The following PAPSS1 variants were observed in gnomAD, a reference collection of about 807,000 sequenced individuals.
PAPSS1 encodes the protein bifunctional 3'-phosphoadenosine 5'-phosphosulfate synthase 1.
In PAPSS1, 50 loss-of-function variants were observed where a neutral mutation model predicts 72.0. The ratio of observed to expected loss-of-function variants is 0.69; its 90% CI spans 0.55 to 0.88. PAPSS1 has a LOEUF of 0.88. PAPSS1 is among the 40% of genes least tolerant of loss of function. The probability of loss-of-function intolerance (pLI) is 0.00; values close to 1 mark genes in which losing one functional copy is unlikely to be tolerated. For missense variants in PAPSS1, 657 were observed against 782.2 expected, an observed-to-expected ratio of 0.84 and a Z score of 1.91; for synonymous variants, 261 against 263.6, an observed-to-expected ratio of 0.99 and a Z score of 0.09.
intron 5 of PAPSS1, among the ~76,000 whole-genome samples, chr4:107,671,039 G>C (rs1034681669): frequency 6.6e-6 from 1 of 152,146 alleles, no homozygotes; most frequent in Admixed American, 6.5e-5. Context: ...AAATCATACA[G>C]TGTCAATTTA....
intron 5 of PAPSS1, among the ~76,000 whole-genome samples, chr4:107,668,293 A>C (rs919798880): frequency 2.0e-5 from 3 of 152,168 alleles, no homozygotes; most frequent in Admixed American, 2.0e-4. Context: ...TTTCAATGTA[A>C]ATTAGATGCA....
intron 5 of PAPSS1, among the ~76,000 whole-genome samples, chr4:107,671,619 A>T (rs1252692296): frequency 2.0e-5 from 3 of 152,286 alleles, no homozygotes; most frequent in African/African-American, 7.2e-5. Context: ...ACAAATAATA[A>T]AACTGTACAG....
intron 1 of PAPSS1, among the ~76,000 whole-genome samples, chr4:107,708,762 T>C (rs939461703): frequency 1.4e-4 from 22 of 152,210 alleles, no homozygotes; most frequent in African/African-American, 5.3e-4. Flanking sequence ...AGATTTTTTT[T>C]GGTTTATGTA....
chr4:107,699,141 C>T lies in PAPSS1; in HGVS notation c.175+2030G>A, dbSNP rs547130200. Among the ~76,000 whole-genome samples, 5 of 151,872 alleles carry T rather than the reference C, an allele frequency of 3.3e-5. No homozygotes were observed. The East Asian group carries it at 9.7e-4, about 29-fold the overall frequency. ...ACACCACGTTCAAGAAAAAGAGTAC[C>T]CAATATTCTAAAGATCAATTTTCCC... On this transcript the variant is annotated intron_variant, in intron 2 of 11. Transcript: ENST00000265174.
chr4:107,650,117 G>A (rs1170155073), intron 9 of PAPSS1, among the ~76,000 whole-genome samples: 13 of 152,138 alleles, frequency 8.5e-5, no homozygotes, highest in Admixed American at 1.3e-4. Flanking sequence ...GGAGGAAGAG[G>A]TAAGAAAAGA....
intron 5 of PAPSS1, among the ~76,000 whole-genome samples, chr4:107,678,983 CA>C (rs1168425851): frequency 6.6e-6 from 1 of 152,114 alleles, no homozygotes. Context: ...TGCATTCATA[CA>C]AACCAGGTAG....
intron 1 of PAPSS1, among the ~76,000 whole-genome samples, chr4:107,707,527 T>C (rs1019637812): frequency 9.9e-5 from 15 of 152,166 alleles, no homozygotes; most frequent in African/African-American, 3.6e-4. Flanking sequence ...TGAGTTTCAC[T>C]GAGGTGGGCC....
chr4:107,646,310 T>TAC lies in PAPSS1; in HGVS notation c.1238-1242_1238-1241dup, dbSNP rs770278061. 3.4e-4 allele frequency among the ~76,000 whole-genome samples: 34 copies of TAC among 100,044 alleles called. No homozygotes were observed. The East Asian group carries it at 4.2e-3, about 12-fold the overall frequency. 65.6% of individuals were successfully genotyped at this position (100,044 alleles called of 152,430 possible). A position where few individuals can be genotyped will look rare whatever the true frequency, so the allele number is the denominator to read the frequency against. ...AACTACAGATATATATATATATATA[T>TAC]ACACACACACACACACATACACACA... On this transcript the variant is annotated intron_variant, in intron 9 of 11. Transcript: ENST00000265174.
At chr4:107,684,506 C>T (rs980166612) in intron 4 of PAPSS1, among the ~76,000 whole-genome samples, 9 of 152,176 alleles carry the variant, frequency 5.9e-5, no homozygotes, top group African/African-American at 2.2e-4. Flanking sequence ...TCCAGACCCT[C>T]CCAATCCTAA....
chr4:107,658,726 CA>C (rs1177589711), intron 6 of PAPSS1, among the ~76,000 whole-genome samples: 2 of 151,090 alleles, frequency 1.3e-5, no homozygotes, highest in African/African-American at 4.9e-5. Context: ...TTTTTTTTTC[CA>C]AAACCTTTGA....
intron 1 of PAPSS1, among the ~76,000 whole-genome samples, chr4:107,716,565 T>C (rs1039777353): frequency 1.3e-5 from 2 of 152,180 alleles, no homozygotes; most frequent in African/African-American, 4.8e-5. Context: ...TTCTACAAAA[T>C]GGGTGAATGA....
chr4:107,716,775 CAG>C (rs1294131152), intron 1 of PAPSS1, among the ~76,000 whole-genome samples: 2 of 152,212 alleles, frequency 1.3e-5, no homozygotes, highest in South Asian at 4.1e-4. Context: ...ACTATTCCCA[CAG>C]GTATATGGAC....
At chr4:107,689,682 G>A (rs1463209109) in intron 3 of PAPSS1, among the ~76,000 whole-genome samples, 5 of 151,730 alleles carry the variant, frequency 3.3e-5, no homozygotes, top group Admixed American at 1.3e-4. Flanking sequence ...GTATCTAATC[G>A]TCCTCATCTA....
intron 1 of PAPSS1, chr4:107,719,875 T>G (rs1365585552): frequency 7.3e-5 from 99 of 1,354,006 alleles, no homozygotes; most frequent in Non-Finnish European, 8.9e-5. Flanking sequence ...GGGGGCGTTC[T>G]TCCCACGAAC....
At chr4:107,705,679 T>C (rs1723322389) in intron 1 of PAPSS1, among the ~76,000 whole-genome samples, 1 of 152,250 alleles carries the variant, frequency 6.6e-6, no homozygotes, top group South Asian at 2.1e-4. Context: ...GTTAATTGTC[T>C]TTTAACATTC....
intron 10 of PAPSS1, among the ~76,000 whole-genome samples, chr4:107,634,964 AT>A (rs556957473): frequency 9.9e-5 from 15 of 151,572 alleles, no homozygotes; most frequent in South Asian, 4.2e-4. Context: ...CGCCCAGCTA[AT>A]TTTTTTGTAT....
chr4:107,671,722 T>A (rs1467177986), intron 5 of PAPSS1, among the ~76,000 whole-genome samples: 1 of 151,728 alleles, frequency 6.6e-6, no homozygotes, highest in East Asian at 1.9e-4. Flanking sequence ...GGCATAGCAT[T>A]TGCATACAAT....
At chr4:107,680,254 A>G (rs1727768263) in intron 5 of PAPSS1, among the ~76,000 whole-genome samples, 1 of 152,166 alleles carries the variant, frequency 6.6e-6, no homozygotes, top group Non-Finnish European at 1.5e-5. Context: ...AATCTACTAC[A>G]AGACCTAGAC....
intron 10 of PAPSS1, among the ~76,000 whole-genome samples, chr4:107,634,401 C>T (rs187426120): frequency 2.6e-5 from 4 of 152,262 alleles, no homozygotes; most frequent in East Asian, 1.9e-4. Flanking sequence ...CAAGGCATCA[C>T]GTACCACAGA....
Sources: gnomAD v4.1 joint callset for allele counts (sites outside exome capture counted in the v4.1 genomes callset) on GRCh38, gnomAD v4.1.1 for gene constraint, MANE v1.5 for transcripts, NCBI Gene and HGNC (gene_info 2026-07-23, HGNC 2026-07-21) for gene names.